The following PTPRD variants were observed in gnomAD, a reference collection of about 807,000 sequenced individuals.
PTPRD encodes the protein protein tyrosine phosphatase receptor type D.
A neutral mutation model predicts 214.5 loss-of-function variants in PTPRD; 34 were observed. The observed-to-expected ratio is 0.16, with a 90% CI of 0.12 to 0.21. The LOEUF is 0.21. PTPRD is among the 10% of genes least tolerant of loss of function. The pLI, the probability that PTPRD is intolerant of heterozygous loss-of-function variation, is 1.00. For synonymous variants in PTPRD, 1,128 were observed against 845.7 expected (o/e 1.33, Z -5.79); for missense variants, 2,545 against 2,398.7 (o/e 1.06, Z -1.27).
chr9:9,577,565 A>T (rs1432288434), intron 7 of PTPRD, among the ~76,000 whole-genome samples: 1 of 152,124 alleles, frequency 6.6e-6, no homozygotes, highest in African/African-American at 2.4e-5. Context: ...CTTGTCTCAA[A>T]AAATAAATAA....
At chr9:8,687,018 G>C (rs1183749552) in intron 12 of PTPRD, among the ~76,000 whole-genome samples, 1 of 152,146 alleles carries the variant, frequency 6.6e-6, no homozygotes, top group Non-Finnish European at 1.5e-5. Context: ...TCACTCTCAT[G>C]ATTGAAAGAA....
chr9:8,817,217 C>T (rs1316828028), intron 11 of PTPRD, among the ~76,000 whole-genome samples: 1 of 152,188 alleles, frequency 6.6e-6, no homozygotes, highest in African/African-American at 2.4e-5. Context: ...AGCAAAACAA[C>T]AGCTATGAGC....
At chr9:10,357,269 G>T (rs911903743) in intron 2 of PTPRD, among the ~76,000 whole-genome samples, 12 of 152,184 alleles carry the variant, frequency 7.9e-5, no homozygotes, top group African/African-American at 2.9e-4. Flanking sequence ...AGATTTTTCT[G>T]TGTTTGATTT....
At chr9:8,965,176 G>A (rs1462113663) in intron 11 of PTPRD, among the ~76,000 whole-genome samples, 3 of 152,046 alleles carry the variant, frequency 2.0e-5, no homozygotes, top group South Asian at 2.1e-4. Flanking sequence ...TCAGGAGTTC[G>A]AGACCAGCCT....
chr9:9,910,996 A>G (rs187177460), intron 5 of PTPRD, among the ~76,000 whole-genome samples: 170 of 151,854 alleles, frequency 1.1e-3, no homozygotes, highest in Admixed American at 2.1e-3. Flanking sequence ...TTTCCAATTC[A>G]TTGTTTCATA....
intron 11 of PTPRD, among the ~76,000 whole-genome samples, chr9:8,907,461 T>A (rs550718797): frequency 7.0e-6 from 1 of 142,002 alleles, no homozygotes; most frequent in Admixed American, 7.5e-5. Context: ...GAGGTTGCAG[T>A]GAGCTGAGAT....
chr9:8,390,745 C>T (rs1305915967), intron 36 of PTPRD, among the ~76,000 whole-genome samples: 1 of 152,032 alleles, frequency 6.6e-6, no homozygotes, highest in Non-Finnish European at 1.5e-5. Flanking sequence ...TGAGCTTCTT[C>T]CAAGAAGAGG....
At chr9:10,027,105 T>G (rs1567170822) in intron 4 of PTPRD, among the ~76,000 whole-genome samples, 1 of 152,200 alleles carries the variant, frequency 6.6e-6, no homozygotes, top group Non-Finnish European at 1.5e-5. Flanking sequence ...TGGCCATTGA[T>G]AGGAATTAGA....
At chr9:10,400,839 A>G (rs1002323243) in intron 2 of PTPRD, among the ~76,000 whole-genome samples, 1 of 151,624 alleles carries the variant, frequency 6.6e-6, no homozygotes, top group Non-Finnish European at 1.5e-5. Flanking sequence ...CTAAAAGTGC[A>G]TTCAGTGTTA....
At chr9:9,295,945 G>T (rs1052128136) in intron 9 of PTPRD, among the ~76,000 whole-genome samples, 2 of 151,692 alleles carry the variant, frequency 1.3e-5, no homozygotes, top group South Asian at 4.1e-4. Context: ...CAGGAGGTTG[G>T]ATTAATTTTC....
intron 5 of PTPRD, among the ~76,000 whole-genome samples, chr9:9,917,302 G>GAAAAAAAAAAAAAA (rs140708788): frequency 4.7e-5 from 1 of 21,214 alleles, no homozygotes; most frequent in African/African-American, 1.3e-4. Context: ...TAGCTAGACT[G>GAAAAAAAAAAAAAA]AAAAAAAAAA....
chr9:9,832,324 C>T (rs1252075210), intron 5 of PTPRD, among the ~76,000 whole-genome samples: 1 of 151,882 alleles, frequency 6.6e-6, no homozygotes, highest in Non-Finnish European at 1.5e-5. Flanking sequence ...AGAAAATACC[C>T]CTATCTATAG....
chr9:9,417,438 G>C (rs910866479), intron 8 of PTPRD, among the ~76,000 whole-genome samples: 2 of 152,056 alleles, frequency 1.3e-5, no homozygotes, highest in Non-Finnish European at 2.9e-5. Context: ...TTTTGGGTCT[G>C]TGCAAATCCA....
chr9:9,410,688 T>TAAA (rs2075109819), intron 8 of PTPRD, among the ~76,000 whole-genome samples: 1 of 152,170 alleles, frequency 6.6e-6, no homozygotes, highest in Non-Finnish European at 1.5e-5. Context: ...AAAGCAACCA[T>TAAA]GATGCTGGTT....
chr9:9,909,860 C>T (rs1264406822), intron 5 of PTPRD, among the ~76,000 whole-genome samples: 1 of 151,688 alleles, frequency 6.6e-6, no homozygotes, highest in African/African-American at 2.4e-5. Context: ...TATTTTTTCC[C>T]TAACATGCAG....
chr9:9,609,617 C>T (rs1171085248), intron 7 of PTPRD, among the ~76,000 whole-genome samples: 2 of 152,140 alleles, frequency 1.3e-5, no homozygotes, highest in African/African-American at 4.8e-5. Flanking sequence ...TGTACGCCAC[C>T]ACACCTGGCT....
intron 2 of PTPRD, among the ~76,000 whole-genome samples, chr9:10,389,983 C>T (rs920712584): frequency 6.6e-6 from 1 of 151,760 alleles, no homozygotes; most frequent in Non-Finnish European, 1.5e-5. Flanking sequence ...ACAGTCAATG[C>T]ACAGCTGATA....
chr9:9,206,676 G>C (rs2099945060), intron 9 of PTPRD, among the ~76,000 whole-genome samples: 1 of 152,182 alleles, frequency 6.6e-6, no homozygotes, highest in East Asian at 1.9e-4. Flanking sequence ...GCCTTCATCT[G>C]TCTTTTGTGT....
At chr9:8,369,207 C>T (rs1317020237) in intron 39 of PTPRD, among the ~76,000 whole-genome samples, 1 of 152,070 alleles carries the variant, frequency 6.6e-6, no homozygotes, top group African/African-American at 2.4e-5. Flanking sequence ...ATGTATTAAA[C>T]AATTTTCCAC....
Sources: gnomAD v4.1 joint callset for allele counts (sites outside exome capture counted in the v4.1 genomes callset) on GRCh38, gnomAD v4.1.1 for gene constraint, MANE v1.5 for transcripts, NCBI Gene and HGNC (gene_info 2026-07-23, HGNC 2026-07-21) for gene names.